PODXL2: variants seen among roughly 807,000 people sequenced by gnomAD.
PODXL2 encodes podocalyxin like 2, also known as podocalyxin-like protein 2.
PODXL2 carries 17 observed loss-of-function variants against 53.4 expected under a neutral mutation model. The observed-to-expected ratio is 0.32, with a 90% CI of 0.22 to 0.48. The LOEUF (loss-of-function observed/expected upper bound fraction) is 0.48. PODXL2 is among the 20% of genes least tolerant of loss of function. The pLI is 0.99. For missense variants in PODXL2, 673 were observed against 760.0 expected (o/e 0.89, Z 1.35); for synonymous variants, 311 against 306.7 (o/e 1.01, Z -0.15).
Position 127,651,018 on chromosome 3 carries a change from G to T in PODXL2, c.350-9360G>T, listed in dbSNP as rs151169339. 2.5e-3 allele frequency among the ~76,000 whole-genome samples: 382 copies of T among 152,218 alleles called. 1 individual carries two copies. Among genetic ancestry groups the T allele is most frequent in the Non-Finnish European group, 4.4e-3 (299 of 68,028 alleles). On this transcript the variant is annotated intron_variant, in intron 2 of 7. Coordinates refer to ENST00000342480, the MANE Select transcript of PODXL2 (RefSeq NM_015720.4). ...GATGGCTCACACCCGTAATCCCAAC[G>T]CTTCGGGAGGCCGAGACGGGTGGAT...
At chr3:127,635,592 G>A (rs552620814) in intron 1 of PODXL2, among the ~76,000 whole-genome samples, 1 of 152,174 alleles carries the variant, frequency 6.6e-6, no homozygotes, top group Non-Finnish European at 1.5e-5. Context: ...AGTGGTTTCA[G>A]ATTCTCAGTT....
At chr3:127,631,228 G>A (rs1278662069) in intron 1 of PODXL2, among the ~76,000 whole-genome samples, 1 of 152,184 alleles carries the variant, frequency 6.6e-6, no homozygotes, top group Non-Finnish European at 1.5e-5. Context: ...GACAGATGCT[G>A]CAGGGCCCCT....
At chr3:127,645,072 G>C (rs986883683) in intron 2 of PODXL2, among the ~76,000 whole-genome samples, 5 of 152,206 alleles carry the variant, frequency 3.3e-5, no homozygotes, top group African/African-American at 4.8e-5. Context: ...AAGCCCACAG[G>C]TTAAAGGCTG....
In PODXL2 at chr3:127,672,403, G is replaced by C. The variant is rs1421588351; in HGVS notation, c.1741G>C (p.Gly581Arg). The C allele has an allele frequency of 1.3e-6, 2 of 1,543,292 alleles. No homozygotes were observed. The highest frequency in any genetic ancestry group is 1.4e-5 in the African/African-American group (1 of 72,968). Residue 581 changes from glycine (G) to arginine (R), a missense_variant, in exon 8 of 8, where the codon GGG becomes CGG. Coordinates refer to ENST00000342480, the MANE Select transcript of PODXL2 (RefSeq NM_015720.4). The stretch of plus-strand genomic sequence containing the variant: ...CGGCGGCGGGGCCCTCAACGGCCCG[G>C]GGAGCTGGGGGGCGCTCATGGGGGG... ...LNGGGALNGPGSWGALMGGKR... is the reference protein window; with the variant it reads ...LNGGGALNGPRSWGALMGGKR...
intron 2 of PODXL2, among the ~76,000 whole-genome samples, chr3:127,643,218 T>C (rs2074632512): frequency 1.3e-5 from 2 of 152,232 alleles, no homozygotes; most frequent in Non-Finnish European, 2.9e-5. Flanking sequence ...AAATTACTTT[T>C]TTTTTCTTCG....
At chr3:127,661,254 G>A in intron 3 of PODXL2, 95 bp downstream of exon 3, 1 of 921,776 alleles carries the variant, frequency 1.1e-6, no homozygotes. Context: ...GGATCTGCCA[G>A]GTTGAGGAGG....
Position 127,672,795 on chromosome 3 carries a change from GC to G in PODXL2, c.*318del. 3.0e-6 allele frequency: 1 copy of G among 331,140 alleles called. No homozygotes were observed. Among genetic ancestry groups the G allele is most frequent in the East Asian group, 5.7e-5 (1 of 17,694 alleles). The allele number at this position is 331,140 out of a possible 1,614,324, so 20.5% of individuals were successfully genotyped here. A position where few individuals can be genotyped will look rare whatever the true frequency, so the allele number is the denominator to read the frequency against. ...TAAACCCGCCCGGAGACCACGCCGGGCCCAGCGCGTCTGCCTTCTTGACTCA... is the reference window on the plus strand; with the variant it reads ...TAAACCCGCCCGGAGACCACGCCGGGCCAGCGCGTCTGCCTTCTTGACTCA... On this transcript the variant is annotated 3_prime_UTR_variant, in exon 8 of 8. Transcript: ENST00000342480.
At chr3:127,644,585 T>TC (rs1576428639) in intron 2 of PODXL2, among the ~76,000 whole-genome samples, 1 of 152,152 alleles carries the variant, frequency 6.6e-6, no homozygotes. Context: ...TTTGTTGTCC[T>TC]CCCCCCTCCC....
In PODXL2 at chr3:127,639,361, G is replaced by A. The variant is rs761347217; in HGVS notation, c.187G>A (p.Glu63Lys). The A allele has an allele frequency of 6.2e-6, 10 of 1,614,072 alleles. No individual in the cohort carries two copies. Among genetic ancestry groups the A allele is most frequent in the Non-Finnish European group, 8.5e-6 (10 of 1,180,016 alleles). The change falls in exon 2 of 8, where the codon GAG becomes AAG. Residue 63 changes from glutamate to lysine, a missense_variant. Glu to Lys is a moderately conservative substitution (Grantham distance 56). Transcript: ENST00000342480. ...TGGCTTGGAGCCACTGGACTCAGAG[G>A]AGCCTAGTGAGACCATGGGCCTGGG... ...PTGLEPLDSE[E>K]PSETMGLGAG...
chr3:127,642,348 A>G (rs957472393), intron 2 of PODXL2, among the ~76,000 whole-genome samples: 2 of 151,998 alleles, frequency 1.3e-5, no homozygotes, highest in African/African-American at 4.8e-5. Flanking sequence ...CAGAAGACAC[A>G]ATCAAATTAA....
chr3:127,647,998 A>G (rs921931466), intron 2 of PODXL2, among the ~76,000 whole-genome samples: 10 of 152,176 alleles, frequency 6.6e-5, no homozygotes, highest in African/African-American at 1.2e-4. Context: ...AACACTCATA[A>G]AGTGCCTATA....
intron 1 of PODXL2, among the ~76,000 whole-genome samples, chr3:127,638,491 G>A (rs760101246): frequency 2.6e-5 from 4 of 152,192 alleles, no homozygotes; most frequent in Non-Finnish European, 5.9e-5. Flanking sequence ...TAGGAGGGCA[G>A]ATCACTTGAG....
rs531800836 is a variant in PODXL2, at chr3:127,641,539, G to C, written c.349+2016G>C. ...CTTGATTTTTTTTTCTTGAGACGGA[G>C]TTTTGCTCTTGTTGCCCAGGCTGGA... On this transcript the variant is annotated intron_variant, in intron 2 of 7. Coordinates refer to ENST00000342480, the MANE Select transcript of PODXL2 (RefSeq NM_015720.4). Among the ~76,000 whole-genome samples the C allele has an allele frequency of 2.8e-3, 426 of 151,912 alleles. 2 individuals carry two copies. Among genetic ancestry groups the C allele is most frequent in the African/African-American group, 0.01 (417 of 41,424 alleles).
intron 5 of PODXL2, among the ~76,000 whole-genome samples, chr3:127,668,881 G>GA (rs2074812856): frequency 6.6e-6 from 1 of 152,312 alleles, no homozygotes; most frequent in East Asian, 1.9e-4. Context: ...TGGCAGGGGA[G>GA]AAGGGGTGTG....
At chr3:127,635,303 A>G (rs1355239520) in intron 1 of PODXL2, among the ~76,000 whole-genome samples, 1 of 152,232 alleles carries the variant, frequency 6.6e-6, no homozygotes, top group East Asian at 1.9e-4. Flanking sequence ...ACACTATTCC[A>G]TAATGATTTG....
chr3:127,665,255 A>G (rs563600111), intron 4 of PODXL2, among the ~76,000 whole-genome samples: 4 of 152,330 alleles, frequency 2.6e-5, no homozygotes, highest in African/African-American at 9.6e-5. Flanking sequence ...TTTGCATTTA[A>G]TGACCTTGAC....
At position 127,668,430 on chromosome 3, in the gene PODXL2, T is replaced by C; in HGVS notation, c.1207-11T>C. 1 of 1,524,266 alleles carries C rather than the reference T, an allele frequency of 6.6e-7. No individual in the cohort carries two copies. Among genetic ancestry groups the C allele is most frequent in the Non-Finnish European group, 8.8e-7 (1 of 1,135,056 alleles). The allele number at this position is 1,524,266 out of a possible 1,614,324, so 94.4% of individuals were successfully genotyped here. A position where few individuals can be genotyped will look rare whatever the true frequency, so the allele number is the denominator to read the frequency against. ...TTCACTGAACACGGGGGGCTCTTTC[T>C]GCCCTTGTAGGAGGTGTTCCGGCAG... On this transcript the variant is annotated splice_polypyrimidine_tract_variant and intron_variant, in intron 4 of 7. Coordinates refer to ENST00000342480, the MANE Select transcript of PODXL2 (RefSeq NM_015720.4).
intron 1 of PODXL2, among the ~76,000 whole-genome samples, chr3:127,636,788 G>T (rs1241062694): frequency 1.3e-5 from 2 of 152,178 alleles, no homozygotes; most frequent in Admixed American, 1.3e-4. Flanking sequence ...GCTCCCACCT[G>T]CCCAGGGTCA....
chr3:127,659,068 A>G (rs1007129067), intron 2 of PODXL2, among the ~76,000 whole-genome samples: 2 of 152,108 alleles, frequency 1.3e-5, no homozygotes, highest in African/African-American at 2.4e-5. Context: ...TCAATATCCA[A>G]GAAATTTTTC....
Sources: gnomAD v4.1 joint callset for allele counts (sites outside exome capture counted in the v4.1 genomes callset) on GRCh38, gnomAD v4.1.1 for gene constraint, MANE v1.5 for transcripts, NCBI Gene and HGNC (gene_info 2026-07-23, HGNC 2026-07-21) for gene names.